The following TGM4 variants were observed in gnomAD, a reference collection of about 807,000 sequenced individuals.
The protein encoded by TGM4 is protein-glutamine gamma-glutamyltransferase 4.
TGM4 carries 61 observed loss-of-function variants against 76.3 expected under a neutral mutation model. The observed-to-expected ratio is 0.80, with a 90% confidence interval of 0.65 to 0.99. The LOEUF is 0.99. Among genes scored for constraint, TGM4 ranks in the 50% least tolerant of loss-of-function variants. The pLI is 0.00. For missense variants in TGM4, 794 were observed against 843.2 expected (o/e 0.94, Z 0.72); for synonymous variants, 337 against 329.8 (o/e 1.02, Z -0.24).
Position 44,911,643 on chromosome 3 carries a change from G to A in TGM4, c.1913+237G>A, listed in dbSNP as rs553682430. The stretch of plus-strand genomic sequence containing the variant: ...AATCTCATTGCTTTACTTTGCATCT[G>A]ATTATTTGTGAGGTTGAATATTTCT... On this transcript the variant is annotated intron_variant, in intron 13 of 13. Coordinates refer to ENST00000296125, the MANE Select transcript of TGM4 (RefSeq NM_003241.4). Among the ~76,000 whole-genome samples the A allele has an allele frequency of 2.0e-5, 3 of 152,234 alleles. No homozygotes were observed. The East Asian group carries it at 5.8e-4, about 29-fold the overall frequency.
chr3:44,902,881 A>G (rs1699873561), intron 8 of TGM4, among the ~76,000 whole-genome samples: 1 of 152,252 alleles, frequency 6.6e-6, no homozygotes, highest in Non-Finnish European at 1.5e-5. Context: ...CAGAGGGAGT[A>G]GACGAGGTGG....
intron 2 of TGM4, among the ~76,000 whole-genome samples, chr3:44,885,875 AT>A (rs1699600777): frequency 1.3e-5 from 2 of 152,226 alleles, no homozygotes; most frequent in African/African-American, 4.8e-5. Flanking sequence ...TGATTAAAAT[AT>A]CATATTTTGG....
intron 1 of TGM4, 53 bp from the exon 2 acceptor site, chr3:44,885,272 A>G (rs1299505724): frequency 2.0e-6 from 3 of 1,530,042 alleles, no homozygotes; most frequent in Non-Finnish European, 1.8e-6. Flanking sequence ...AGAGGTGATC[A>G]GGGAATAAAC....
rs143169612 is a variant in TGM4 at position 44,907,112 on chromosome 3, G to T, written c.1239G>T (p.Glu413Asp). The T allele has an allele frequency of 1.1e-5, 18 of 1,614,020 alleles. No homozygotes were observed. In the African/African-American group the frequency reaches 2.3e-4, roughly 20 times the overall value. Residue 413 changes from glutamate (E) to aspartate (D), a missense_variant, in exon 10 of 14, where the codon GAG becomes GAT. Transcript: ENST00000296125. ...GQEELHVISM[E>D]TTSIGKNIST... ...AGGAGTTACACGTAATTTCAATGGA[G>T]ACCACAAGCATCGGGAAAAACATCA... is the stretch of plus-strand genomic sequence containing the variant.
chr3:44,906,810 G>C, intron 9 of TGM4, 139 bp from the exon 10 acceptor site: 1 of 1,072,026 alleles, frequency 9.3e-7, no homozygotes, highest in Non-Finnish European at 1.4e-6. Context: ...GATGGCCTAG[G>C]AAATGAGTAC....
At chr3:44,886,541 C>T (rs1699610624) in intron 2 of TGM4, among the ~76,000 whole-genome samples, 2 of 152,208 alleles carry the variant, frequency 1.3e-5, no homozygotes, top group African/African-American at 2.4e-5. Context: ...ATGCCATGAG[C>T]TACCTGCTCA....
chr3:44,912,341 G>A (rs921926424), intron 13 of TGM4, among the ~76,000 whole-genome samples: 5 of 152,054 alleles, frequency 3.3e-5, no homozygotes, highest in Non-Finnish European at 7.4e-5. Flanking sequence ...TGGGTGTGGA[G>A]TGATGTGGAG....
intron 4 of TGM4, among the ~76,000 whole-genome samples, chr3:44,892,789 T>A (rs184486734): frequency 0.021 from 3,154 of 152,328 alleles, 58 homozygotes; most frequent in Middle Eastern, 0.065. Flanking sequence ...ACAATTTCTT[T>A]ATCTTTCTTT....
intron 1 of TGM4, among the ~76,000 whole-genome samples, chr3:44,882,618 A>G (rs1699549518): frequency 6.6e-6 from 1 of 152,160 alleles, no homozygotes; most frequent in African/African-American, 2.4e-5. Flanking sequence ...CCATCTTCAC[A>G]TGACCCTCCC....
intron 1 of TGM4, among the ~76,000 whole-genome samples, chr3:44,882,132 C>T (rs1699542511): frequency 7.1e-6 from 1 of 141,328 alleles, no homozygotes; most frequent in African/African-American, 2.6e-5. Flanking sequence ...CTATTCACAG[C>T]TGCAATCATA....
chr3:44,891,670 A>G (rs2125752185), intron 4 of TGM4, among the ~76,000 whole-genome samples: 1 of 152,292 alleles, frequency 6.6e-6, no homozygotes, highest in East Asian at 1.9e-4. Flanking sequence ...ACAGTTATCA[A>G]CTTCAGTAAA....
At position 44,891,152 on chromosome 3, in the gene TGM4, G is replaced by A. The variant is rs373172818; in HGVS notation, c.430+420G>A. ...TCATGTACCCACCTCATTTCTTCCT[G>A]TGGCTACACTGGAGCCTTTATGTAA... On this transcript the variant is annotated intron_variant, in intron 4 of 13. Transcript: ENST00000296125. Among the ~76,000 whole-genome samples, 196 of 152,222 alleles carry A rather than the reference G, an allele frequency of 1.3e-3. 1 individual carries two copies. Among genetic ancestry groups the A allele is most frequent in the African/African-American group, 4.5e-3 (187 of 41,526 alleles).
Position 44,893,557 on chromosome 3 carries a change from G to A in TGM4, c.431-20G>A. ...CCCAGGGCAGAATATAACCTCTGTG[G>A]ATGTGTGGTCTTGCTTCAGAGGACA... On this transcript the variant is annotated intron_variant, in intron 4 of 13. Transcript: ENST00000296125. 3.1e-6 allele frequency: 5 copies of A among 1,603,164 alleles called. No individual in the cohort carries two copies. The highest frequency in any genetic ancestry group is 4.3e-6 in the Non-Finnish European group (5 of 1,170,428).
chr3:44,882,448 A>G (rs1485084007), intron 1 of TGM4, among the ~76,000 whole-genome samples: 1 of 152,222 alleles, frequency 6.6e-6, no homozygotes, highest in Non-Finnish European at 1.5e-5. Context: ...ACAGCAATTT[A>G]TTATTCTCTC....
At chr3:44,911,465 G>A in intron 13 of TGM4, 59 bp downstream of exon 13, 2 of 1,586,798 alleles carry the variant, frequency 1.3e-6, no homozygotes, top group South Asian at 1.1e-5. Flanking sequence ...TTGCACATGT[G>A]TGCATATTCC....
chr3:44,878,217 T>C (rs1215469652), intron 1 of TGM4, among the ~76,000 whole-genome samples: 1 of 151,394 alleles, frequency 6.6e-6, no homozygotes, highest in Non-Finnish European at 1.5e-5. Flanking sequence ...GAGATAAATT[T>C]CAAGACATGT....
rs1452504934 is a variant in TGM4, at chr3:44,913,778, T to G, written c.*53T>G. On this transcript the variant is annotated 3_prime_UTR_variant, in exon 14 of 14. Transcript: ENST00000296125. ...TGAGATTTCAGCATTTCCTACCTTG[T>G]GCTTAGCTTTCAGATTATGGATGAT... 1 of 1,576,356 alleles carries G rather than the reference T, an allele frequency of 6.3e-7. No homozygotes were observed. Among genetic ancestry groups the G allele is most frequent in the Non-Finnish European group, 8.6e-7 (1 of 1,164,176 alleles).
chr3:44,879,230 T>G (rs549389962), intron 1 of TGM4, among the ~76,000 whole-genome samples: 98 of 145,366 alleles, frequency 6.7e-4, no homozygotes, highest in Non-Finnish European at 1.3e-3. Context: ...GACTTGGCTA[T>G]TTTATGGTCT....
intron 2 of TGM4, among the ~76,000 whole-genome samples, chr3:44,886,378 T>C (rs1408493538): frequency 6.6e-6 from 1 of 152,186 alleles, no homozygotes. Flanking sequence ...CTTTACAAGA[T>C]GGCATACAAT....
Sources: gnomAD v4.1 joint callset for allele counts (sites outside exome capture counted in the v4.1 genomes callset) on GRCh38, gnomAD v4.1.1 for gene constraint, MANE v1.5 for transcripts, NCBI Gene and HGNC (gene_info 2026-07-23, HGNC 2026-07-21) for gene names.